Variants in SPIDR observed in about 807,000 individuals in gnomAD.
SPIDR encodes the protein DNA repair-scaffolding protein.
Under a neutral mutation model 104.6 loss-of-function variants are expected in SPIDR, and 93 were observed. The observed-to-expected ratio is 0.89, with a 90% CI of 0.75 to 1.06. The LOEUF (loss-of-function observed/expected upper bound fraction) is 1.06, where lower values mean the gene tolerates loss of function less well. SPIDR is among the 50% of genes least tolerant of loss of function. The pLI is 0.00. For synonymous variants in SPIDR, 431 were observed against 416.9 expected (o/e 1.03, Z -0.41); for missense variants, 1,154 against 1,111.2 (o/e 1.04, Z -0.55).
rs916301723 is a variant in SPIDR at position 47,359,708 on chromosome 8, G to A, written c.526-36668G>A. On this transcript the variant is annotated intron_variant, in intron 5 of 19. Transcript: ENST00000297423. Reference sequence around the variant, plus strand: ...AGAGAGCATCCTGTCTCTGAAGAAAGTATAGTCCTTGTTTCTGTGTGTTAT... The same window carrying A: ...AGAGAGCATCCTGTCTCTGAAGAAAATATAGTCCTTGTTTCTGTGTGTTAT... Among the ~76,000 whole-genome samples the A allele has an allele frequency of 2.6e-5, 4 of 152,266 alleles. No individual in the cohort carries two copies. The South Asian group carries it at 8.3e-4, about 32-fold the overall frequency.
chr8:47,671,325 C>G (rs937285118), intron 10 of SPIDR, among the ~76,000 whole-genome samples: 1 of 152,156 alleles, frequency 6.6e-6, no homozygotes, highest in Admixed American at 6.5e-5. Flanking sequence ...TGGCTCACGC[C>G]TGTAATCCCA....
intron 3 of SPIDR, among the ~76,000 whole-genome samples, chr8:47,288,874 C>T (rs1256896728): frequency 6.6e-6 from 1 of 152,160 alleles, no homozygotes; most frequent in Non-Finnish European, 1.5e-5. Flanking sequence ...TCCTCTTTTC[C>T]TGATCGATGC....
Position 47,299,129 on chromosome 8 carries a change from T to C in SPIDR, c.525+5099T>C, listed in dbSNP as rs1415466796. Reference sequence around the variant, plus strand: ...TTTGTTTGTATCCTCTTTTATTTCATTGAGCAGTGGTTTGTAGTTCTCCTT... The same window carrying C: ...TTTGTTTGTATCCTCTTTTATTTCACTGAGCAGTGGTTTGTAGTTCTCCTT... On this transcript the variant is annotated intron_variant, in intron 5 of 19. Coordinates refer to ENST00000297423, the MANE Select transcript of SPIDR (RefSeq NM_001080394.4). 2.6e-5 allele frequency among the ~76,000 whole-genome samples: 4 copies of C among 152,340 alleles called. No homozygotes were observed. In the East Asian group the frequency reaches 7.7e-4, roughly 29 times the overall value.
At chr8:47,428,035 G>A (rs797036594) in intron 7 of SPIDR, among the ~76,000 whole-genome samples, 10 of 152,288 alleles carry the variant, frequency 6.6e-5, no homozygotes, top group African/African-American at 2.4e-4. Context: ...TGATTCTCCC[G>A]TCTCAGCCTC....
chr8:47,602,777 C>T (rs116199280), intron 10 of SPIDR, among the ~76,000 whole-genome samples: 187 of 152,274 alleles, frequency 1.2e-3, no homozygotes, highest in African/African-American at 4.4e-3. Context: ...AGCAGCTAGT[C>T]CTATTCAGGG....
chr8:47,389,151 T>C (rs782252237), intron 5 of SPIDR, among the ~76,000 whole-genome samples: 3 of 152,196 alleles, frequency 2.0e-5, no homozygotes, highest in Non-Finnish European at 4.4e-5. Context: ...ATTTGACCAT[T>C]GCAGATGTTT....
At chr8:47,586,671 C>T (rs1267707410) in intron 8 of SPIDR, among the ~76,000 whole-genome samples, 1 of 152,150 alleles carries the variant, frequency 6.6e-6, no homozygotes, top group Non-Finnish European at 1.5e-5. Flanking sequence ...ATGATTTTCC[C>T]TATGTCTCTA....
intron 10 of SPIDR, among the ~76,000 whole-genome samples, chr8:47,610,682 A>C (rs1235273410): frequency 6.6e-6 from 1 of 152,176 alleles, no homozygotes; most frequent in Non-Finnish European, 1.5e-5. Context: ...TCCACAGGGA[A>C]CTGGAGCAAA....
chr8:47,665,540 A>T (rs2074793709), intron 10 of SPIDR, among the ~76,000 whole-genome samples: 1 of 152,238 alleles, frequency 6.6e-6, no homozygotes, highest in Non-Finnish European at 1.5e-5. Flanking sequence ...TCAGTCACAG[A>T]ACCATGAGAA....
At chr8:47,565,140 G>A (rs2057619509) in intron 8 of SPIDR, among the ~76,000 whole-genome samples, 1 of 152,204 alleles carries the variant, frequency 6.6e-6, no homozygotes, top group Non-Finnish European at 1.5e-5. Context: ...CAGCTGCTTG[G>A]GAGGCCGAGG....
intron 16 of SPIDR, among the ~76,000 whole-genome samples, chr8:47,718,539 G>T (rs760669651): frequency 4.6e-5 from 7 of 151,092 alleles, no homozygotes; most frequent in Non-Finnish European, 1.0e-4. Context: ...CCTCATTGGA[G>T]GCAAGGGCTC....
intron 10 of SPIDR, among the ~76,000 whole-genome samples, chr8:47,618,646 GT>G: frequency 6.6e-6 from 1 of 152,096 alleles, no homozygotes; most frequent in Non-Finnish European, 1.5e-5. Context: ...GCATATAATT[GT>G]TTTATATAAT....
chr8:47,354,801 C>T (rs1334573266), intron 5 of SPIDR, among the ~76,000 whole-genome samples: 5 of 151,798 alleles, frequency 3.3e-5, no homozygotes, highest in African/African-American at 1.2e-4. Context: ...ACCACCATGC[C>T]TGGCTAATTT....
At chr8:47,433,281 A>G (rs1196952154) in intron 7 of SPIDR, among the ~76,000 whole-genome samples, 2 of 152,014 alleles carry the variant, frequency 1.3e-5, no homozygotes, top group Non-Finnish European at 2.9e-5. Context: ...AGACCCTCCT[A>G]ACTAGCTTCC....
chr8:47,461,394 G>A (rs1361032618), intron 8 of SPIDR, among the ~76,000 whole-genome samples: 2 of 152,128 alleles, frequency 1.3e-5, no homozygotes, highest in South Asian at 4.2e-4. Context: ...GCACAATCTC[G>A]GCTCACTCCC....
intron 14 of SPIDR, among the ~76,000 whole-genome samples, chr8:47,703,070 C>A (rs1362812547): frequency 6.6e-6 from 1 of 152,164 alleles, no homozygotes; most frequent in African/African-American, 2.4e-5. Flanking sequence ...GACACTCACA[C>A]CCCTCACTTT....
At chr8:47,493,075 G>T (rs2078993091) in intron 8 of SPIDR, among the ~76,000 whole-genome samples, 1 of 148,096 alleles carries the variant, frequency 6.8e-6, no homozygotes, top group South Asian at 2.1e-4. Flanking sequence ...GTGTGTGTGT[G>T]TGTTTAAATA....
chr8:47,681,223 G>A (rs1315263520), intron 11 of SPIDR, among the ~76,000 whole-genome samples: 1 of 152,086 alleles, frequency 6.6e-6, no homozygotes, highest in Non-Finnish European at 1.5e-5. Context: ...TTTTCTTTCT[G>A]CCAAATGTTA....
At chr8:47,296,784 A>G (rs917047530) in intron 5 of SPIDR, among the ~76,000 whole-genome samples, 2 of 152,164 alleles carry the variant, frequency 1.3e-5, no homozygotes, top group African/African-American at 4.8e-5. Flanking sequence ...GAAGAATGAC[A>G]TTGGAATTTC....
Sources: gnomAD v4.1 joint callset for allele counts (sites outside exome capture counted in the v4.1 genomes callset) on GRCh38, gnomAD v4.1.1 for gene constraint, MANE v1.5 for transcripts, NCBI Gene and HGNC (gene_info 2026-07-23, HGNC 2026-07-21) for gene names.